Variants in PUM2 observed in about 807,000 individuals in gnomAD.
PUM2 encodes the protein pumilio RNA binding family member 2.
In PUM2, 57 loss-of-function variants were observed where a neutral mutation model predicts 124.5. The observed-to-expected ratio is 0.46, with a 90% confidence interval of 0.37 to 0.57. The LOEUF (loss-of-function observed/expected upper bound fraction) is 0.57, where lower values mean the gene tolerates loss of function less well. Among genes scored for constraint, PUM2 ranks in the 20% least tolerant of loss-of-function variants. PUM2 has a pLI of 0.00. For missense variants in PUM2, 1,065 were observed against 1,290.6 expected, an observed-to-expected ratio of 0.83 and a Z score of 2.68; for synonymous variants, 460 against 446.1, an observed-to-expected ratio of 1.03 and a Z score of -0.39.
chr2:20,282,466 T>C (rs1671765708), intron 12 of PUM2, among the ~76,000 whole-genome samples: 1 of 152,190 alleles, frequency 6.6e-6, no homozygotes. Context: ...TACATACACA[T>C]ATGTATTTTT....
At chr2:20,307,942 A>C in intron 7 of PUM2, 36 bp downstream of exon 7, 1 of 1,587,370 alleles carries the variant, frequency 6.3e-7, no homozygotes, top group Non-Finnish European at 8.6e-7. Context: ...CATTTTAACA[A>C]GACTTTGGTC....
At chr2:20,254,340 A>T (rs112529834) in intron 19 of PUM2, among the ~76,000 whole-genome samples, 2 of 152,026 alleles carry the variant, frequency 1.3e-5, no homozygotes, top group Non-Finnish European at 2.9e-5. Flanking sequence ...TTTTGTAGAG[A>T]AAGGATCTCC....
chr2:20,269,223 C>T (rs1668463973), intron 13 of PUM2, among the ~76,000 whole-genome samples: 1 of 151,848 alleles, frequency 6.6e-6, no homozygotes, highest in Non-Finnish European at 1.5e-5. Context: ...ATTTTTGAGA[C>T]GGAGTGCCAC....
At chr2:20,278,856 G>T (rs1558533384) in intron 12 of PUM2, 37 bp from the exon 13 acceptor site, 1 of 1,467,362 alleles carries the variant, frequency 6.8e-7, no homozygotes, top group African/African-American at 1.4e-5. Context: ...ATTACATACA[G>T]TGTTAACTGA....
At chr2:20,264,830 A>G (rs918889730) in intron 13 of PUM2, among the ~76,000 whole-genome samples, 3 of 152,242 alleles carry the variant, frequency 2.0e-5, no homozygotes, top group African/African-American at 7.2e-5. Context: ...CTACAAGGAC[A>G]GAGAGCAGTA....
intron 1 of PUM2, among the ~76,000 whole-genome samples, chr2:20,331,142 A>C (rs944891601): frequency 4.6e-5 from 7 of 151,796 alleles, no homozygotes; most frequent in African/African-American, 1.7e-4. Context: ...AAAAAAAAAA[A>C]ACCACACGCG....
At chr2:20,291,503 G>A (rs1674072003) in intron 9 of PUM2, among the ~76,000 whole-genome samples, 1 of 152,208 alleles carries the variant, frequency 6.6e-6, no homozygotes, top group Non-Finnish European at 1.5e-5. Flanking sequence ...TTCTTGAGAA[G>A]AGAATGTTGA....
At position 20,317,274 on chromosome 2, in the gene PUM2, C is replaced by A. The variant is rs142741808; in HGVS notation, c.160+1263G>T. ...ACTCCTGCATGTTATACTCCTTATACACCAGTTAATTTTCCCTTAACAGTT... is the reference window on the plus strand; with the variant it reads ...ACTCCTGCATGTTATACTCCTTATAAACCAGTTAATTTTCCCTTAACAGTT... On this transcript the variant is annotated intron_variant, in intron 3 of 20. Transcript: ENST00000361078. Among the ~76,000 whole-genome samples, 292 of 152,200 alleles carry A rather than the reference C, an allele frequency of 1.9e-3. 3 individuals are homozygous for A. Among genetic ancestry groups the A allele is most frequent in the African/African-American group, 6.5e-3 (268 of 41,544 alleles).
Position 20,278,609 on chromosome 2 carries a change from T to C in PUM2, c.1931A>G (p.His644Arg), listed in dbSNP as rs376784745. ...TAAATGCAAACTGGATGAGGATCCA[T>C]GTGATGAAAGTGATGGCGGTGGCGT... ...SLTPPPSLSSHGSSSSLHLGG... is the reference protein window; with the variant it reads ...SLTPPPSLSSRGSSSSLHLGG... The change falls in exon 13 of 21, where the codon CAT (histidine) becomes CGT (arginine). Residue 644 changes from histidine (H) to arginine (R), a missense_variant. His to Arg is a conservative substitution (Grantham distance 29, BLOSUM62 0). This residue lies in a region of PUM2 where 968 missense variants were observed against 1,159.8 expected (regional missense o/e 0.83). Coordinates refer to ENST00000361078, the MANE Select transcript of PUM2 (RefSeq NM_015317.5). The C allele has an allele frequency of 1.9e-6, 3 of 1,612,292 alleles. No homozygotes were observed. The highest frequency in any genetic ancestry group is 2.5e-6 in the Non-Finnish European group (3 of 1,178,864).
At chr2:20,273,465 G>C (rs552009134) in intron 13 of PUM2, among the ~76,000 whole-genome samples, 159 of 152,168 alleles carry the variant, frequency 1.0e-3, no homozygotes, top group Non-Finnish European at 1.7e-3. Context: ...AACTTTCTCA[G>C]ACATTAGAAC....
chr2:20,348,808 A>G (rs1457595291), intron 1 of PUM2, among the ~76,000 whole-genome samples: 2 of 152,014 alleles, frequency 1.3e-5, no homozygotes, highest in African/African-American at 4.8e-5. Flanking sequence ...CTGTACCCCC[A>G]GCTACAGTTA....
intron 1 of PUM2, among the ~76,000 whole-genome samples, chr2:20,342,188 G>T (rs1277827902): frequency 1.3e-5 from 2 of 151,416 alleles, no homozygotes; most frequent in Non-Finnish European, 2.9e-5. Flanking sequence ...GAGAACTAAA[G>T]GAAGAAATCT....
chr2:20,280,497 TCCTA>T (rs1490964514), intron 12 of PUM2, among the ~76,000 whole-genome samples: 7 of 147,824 alleles, frequency 4.7e-5, no homozygotes, highest in Admixed American at 4.1e-4. Context: ...CATTTTAAAT[TCCTA>T]TTTATTTCAG....
At chr2:20,318,012 C>A (rs900916184) in intron 3 of PUM2, among the ~76,000 whole-genome samples, 3 of 152,064 alleles carry the variant, frequency 2.0e-5, no homozygotes, top group Non-Finnish European at 4.4e-5. Context: ...ACGTGTGTGT[C>A]TTATGGTAGC....
intron 2 of PUM2, among the ~76,000 whole-genome samples, chr2:20,324,580 T>C (rs778725581): frequency 6.6e-6 from 1 of 152,206 alleles, no homozygotes; most frequent in Non-Finnish European, 1.5e-5. Flanking sequence ...TGTGTCTGAC[T>C]TAACACTACA....
chr2:20,324,562 C>T (rs887205192), intron 2 of PUM2, among the ~76,000 whole-genome samples: 1 of 152,172 alleles, frequency 6.6e-6, no homozygotes, highest in African/African-American at 2.4e-5. Context: ...AGGTATGAGC[C>T]TATGCAGTGT....
chr2:20,337,857 A>G (rs1261836544), intron 1 of PUM2, among the ~76,000 whole-genome samples: 1 of 152,140 alleles, frequency 6.6e-6, no homozygotes, highest in African/African-American at 2.4e-5. Flanking sequence ...AACAACAGAA[A>G]TTTTATTGAG....
chr2:20,330,273 T>C (rs1381548875), intron 1 of PUM2, among the ~76,000 whole-genome samples: 1 of 152,190 alleles, frequency 6.6e-6, no homozygotes, highest in African/African-American at 2.4e-5. Context: ...CTGTAAAACG[T>C]ATTTTTGGCC....
At chr2:20,324,237 G>C (rs988925430) in intron 2 of PUM2, among the ~76,000 whole-genome samples, 1 of 152,114 alleles carries the variant, frequency 6.6e-6, no homozygotes, top group Admixed American at 6.5e-5. Context: ...ACACTAGGGA[G>C]AGATCTAGGA....
Sources: allele counts gnomAD v4.1 joint callset (sites outside exome capture counted in the v4.1 genomes callset), GRCh38; gene constraint gnomAD v4.1.1; regional missense constraint gnomAD v4.1.1; transcripts MANE v1.5; gene names NCBI Gene and HGNC (gene_info 2026-07-23, HGNC 2026-07-21).